Variants in MINAR2 observed in about 807,000 individuals in gnomAD.
MINAR2 encodes membrane integral NOTCH2 associated receptor 2, also known as major intrinsically disordered NOTCH2-binding receptor 1-like.
MINAR2 carries 21 observed loss-of-function variants against 16.1 expected under a neutral mutation model. The observed-to-expected ratio is 1.31, with a 90% CI of 0.93 to 1.88. The LOEUF (loss-of-function observed/expected upper bound fraction) is 1.88, where lower values mean the gene tolerates loss of function less well. Ranked by LOEUF, MINAR2 falls within the 40% of genes most tolerant of loss-of-function variation. The pLI is 0.00. For missense variants in MINAR2, 259 were observed against 229.8 expected, an observed-to-expected ratio of 1.13 and a Z score of -0.82; for synonymous variants, 86 against 83.0, an observed-to-expected ratio of 1.04 and a Z score of -0.20.
At chr5:129,751,290 C>T (rs2149544712) in intron 1 of MINAR2, among the ~76,000 whole-genome samples, 1 of 152,196 alleles carries the variant, frequency 6.6e-6, no homozygotes, top group Non-Finnish European at 1.5e-5. Flanking sequence ...TTCACTACAA[C>T]CTCTGCCTCC....
At chr5:129,754,545 T>C (rs1758031940) in intron 1 of MINAR2, among the ~76,000 whole-genome samples, 1 of 152,188 alleles carries the variant, frequency 6.6e-6, no homozygotes, top group Non-Finnish European at 1.5e-5. Context: ...TGATGTATCG[T>C]TTTATTTTTT....
chr5:129,749,186 A>T (rs182757856), intron 1 of MINAR2, among the ~76,000 whole-genome samples: 1 of 152,328 alleles, frequency 6.6e-6, no homozygotes, highest in Admixed American at 6.5e-5. Flanking sequence ...AGGAAGAAGC[A>T]TTTCATTACA....
chr5:129,761,398 CCCATA>C (rs1404588265), intron 2 of MINAR2, among the ~76,000 whole-genome samples: 1 of 152,068 alleles, frequency 6.6e-6, no homozygotes, highest in Non-Finnish European at 1.5e-5. Flanking sequence ...TAAGCTAAGC[CCCATA>C]CCTTAAGCAC....
intron 2 of MINAR2, among the ~76,000 whole-genome samples, chr5:129,762,221 A>G (rs1349223511): frequency 6.6e-6 from 1 of 152,182 alleles, no homozygotes; most frequent in Admixed American, 6.5e-5. Flanking sequence ...CACTTTACCT[A>G]TATAGAAAAC....
At chr5:129,761,944 C>T (rs936504391) in intron 2 of MINAR2, among the ~76,000 whole-genome samples, 2 of 151,770 alleles carry the variant, frequency 1.3e-5, no homozygotes, top group African/African-American at 4.8e-5. Flanking sequence ...TGTTCTAACT[C>T]ATAAGTGGGA....
chr5:129,753,480 C>A (rs1306881711), intron 1 of MINAR2, among the ~76,000 whole-genome samples: 131 of 100,754 alleles, frequency 1.3e-3, no homozygotes, highest in Admixed American at 1.8e-3. Context: ...AAGACTGTCT[C>A]AAAAAAAAAA....
intron 2 of MINAR2, among the ~76,000 whole-genome samples, chr5:129,763,967 A>G (rs1057190105): frequency 1.3e-5 from 2 of 152,254 alleles, no homozygotes; most frequent in Admixed American, 6.5e-5. Flanking sequence ...CAGATGAAAT[A>G]TAATGAAGCA....
At chr5:129,760,636 C>T in intron 2 of MINAR2, 31 bp downstream of exon 2, 2 of 1,444,534 alleles carry the variant, frequency 1.4e-6, no homozygotes, top group Non-Finnish European at 9.4e-7. Flanking sequence ...ACCTCTTCAA[C>T]TGATAAGGGA....
Position 129,760,450 on chromosome 5 carries a change from C to G in MINAR2, c.238C>G (p.Pro80Ala), listed in dbSNP as rs1206525131. The change falls in exon 2 of 3, where the codon CCC (proline) becomes GCC (alanine). Residue 80 changes from proline to alanine, a missense_variant. Pro to Ala is a conservative substitution (Grantham distance 27). Coordinates refer to ENST00000564719, the MANE Select transcript of MINAR2 (RefSeq NM_001257308.2). ...SADSLVTADS[P>A]PPSMSSVMKN... ...AGACAGCCTTGTCACTGCTGATAGC[C>G]CCCCACCATCCATGTCATCAGTTAT... is the stretch of plus-strand genomic sequence containing the variant. 1 of 1,535,722 alleles carries G rather than the reference C, an allele frequency of 6.5e-7. No individual in the cohort carries two copies. Among genetic ancestry groups the G allele is most frequent in the Admixed American group, 2.0e-5 (1 of 50,962 alleles).
chr5:129,758,054 A>G (rs1403966850), intron 1 of MINAR2, among the ~76,000 whole-genome samples: 1 of 151,992 alleles, frequency 6.6e-6, no homozygotes, highest in Non-Finnish European at 1.5e-5. Context: ...TACTTCACAC[A>G]GAGTATATAA....
intron 1 of MINAR2, among the ~76,000 whole-genome samples, chr5:129,759,797 A>G (rs1410513740): frequency 6.7e-6 from 1 of 148,590 alleles, no homozygotes; most frequent in East Asian, 2.0e-4. Flanking sequence ...GTTTTTAAAA[A>G]CCTGAAAATC....
At chr5:129,749,563 G>A (rs995508332) in intron 1 of MINAR2, among the ~76,000 whole-genome samples, 1 of 152,004 alleles carries the variant, frequency 6.6e-6, no homozygotes, top group African/African-American at 2.4e-5. Flanking sequence ...TGTATTTGTA[G>A]GCGTTCTTTT....
At chr5:129,763,564 G>A (rs548077411) in intron 2 of MINAR2, among the ~76,000 whole-genome samples, 45 of 152,250 alleles carry the variant, frequency 3.0e-4, no homozygotes, top group African/African-American at 1.1e-3. Flanking sequence ...GAGAACAGAG[G>A]CATTAAACTT....
At chr5:129,762,675 G>A in intron 2 of MINAR2, 2 of 266,426 alleles carry the variant, frequency 7.5e-6, no homozygotes, top group South Asian at 1.2e-4. Flanking sequence ...TCAACCTTGA[G>A]TAGAAGTTTG....
intron 1 of MINAR2, among the ~76,000 whole-genome samples, chr5:129,748,854 CT>C (rs894242549): frequency 5.3e-4 from 81 of 152,118 alleles, no homozygotes; most frequent in African/African-American, 1.8e-3. Flanking sequence ...CAATGGAAAC[CT>C]AATTATTGAA....
At chr5:129,751,170 T>G (rs1188883320) in intron 1 of MINAR2, among the ~76,000 whole-genome samples, 3 of 152,172 alleles carry the variant, frequency 2.0e-5, no homozygotes, top group Non-Finnish European at 4.4e-5. Flanking sequence ...GAAACTCTCC[T>G]GGTCATTTTT....
At chr5:129,751,126 T>C (rs1246621117) in intron 1 of MINAR2, among the ~76,000 whole-genome samples, 2 of 152,204 alleles carry the variant, frequency 1.3e-5, no homozygotes, top group Non-Finnish European at 2.9e-5. Context: ...TGACTTATCA[T>C]CTAACTTTTA....
intron 2 of MINAR2, among the ~76,000 whole-genome samples, chr5:129,763,073 TA>T (rs2149547092): frequency 6.6e-6 from 1 of 152,234 alleles, no homozygotes; most frequent in East Asian, 1.9e-4. Context: ...GCTGGACAAT[TA>T]TATGAATTAT....
intron 2 of MINAR2, among the ~76,000 whole-genome samples, chr5:129,764,085 G>GA (rs904291037): frequency 9.2e-5 from 14 of 152,042 alleles, no homozygotes; most frequent in Non-Finnish European, 1.8e-4. Context: ...GATGTAATAG[G>GA]AAAAAAATGT....
Sources: gnomAD v4.1 joint callset for allele counts (sites outside exome capture counted in the v4.1 genomes callset) on GRCh38, gnomAD v4.1.1 for gene constraint, MANE v1.5 for transcripts, NCBI Gene and HGNC (gene_info 2026-07-23, HGNC 2026-07-21) for gene names.